FRMPD4: variants seen among roughly 807,000 people sequenced by gnomAD.
The protein encoded by FRMPD4 is FERM and PDZ domain containing 4.
Under a neutral mutation model 94.1 loss-of-function variants are expected in FRMPD4, and 22 were observed. The ratio of observed to expected loss-of-function variants is 0.23; its 90% CI spans 0.17 to 0.33. The LOEUF (loss-of-function observed/expected upper bound fraction) is 0.33, where lower values mean the gene tolerates loss of function less well. Ranked by LOEUF, FRMPD4 falls within the 10% of genes least tolerant of loss-of-function variation. The pLI is 1.00. For synonymous variants in FRMPD4, 631 were observed against 548.6 expected (o/e 1.15, Z -2.10); for missense variants, 1,111 against 1,339.9 (o/e 0.83, Z 2.67).
chrX:12,452,587 G>A (rs184505239), intron 1 of FRMPD4, among the ~76,000 whole-genome samples: 1 of 111,947 alleles, frequency 8.9e-6, no homozygotes, highest in African/African-American at 3.2e-5. Context: ...ATGTTTTAAC[G>A]AAAAGTATGC....
At position 12,450,309 on chromosome X, in the gene FRMPD4, T is replaced by TA. The variant is rs1347893836; in HGVS notation, c.42-48363dup. Among the ~76,000 whole-genome samples, 6 of 110,764 alleles carry TA rather than the reference T, an allele frequency of 5.4e-5. No homozygotes were observed. The East Asian group carries it at 8.5e-4, about 16-fold the overall frequency. On this transcript the variant is annotated intron_variant, in intron 1 of 16. Transcript: ENST00000675598. Reference sequence around the variant, plus strand: ...AAAGACAGAAGTTTATCTGTCCTATTAAAAAAAAGGGAAGTTGGGTAGGAC... The same window carrying TA: ...AAAGACAGAAGTTTATCTGTCCTATTAAAAAAAAAGGGAAGTTGGGTAGGAC...
intron 15 of FRMPD4, 55 bp from the exon 16 acceptor site, chrX:12,717,446 C>A: frequency 1.2e-6 from 1 of 804,904 alleles, no homozygotes; most frequent in Non-Finnish European, 1.8e-6. Flanking sequence ...TCTTACATGT[C>A]TCCAAGTGCC....
chrX:12,153,877 C>T (rs1467909625), intron 1 of FRMPD4, among the ~76,000 whole-genome samples: 1 of 112,477 alleles, frequency 8.9e-6, no homozygotes, highest in Non-Finnish European at 1.9e-5. Flanking sequence ...AATAATATTT[C>T]ATGACACATG....
intron 4 of FRMPD4, among the ~76,000 whole-genome samples, chrX:12,633,536 C>T (rs1476626173): frequency 8.9e-6 from 1 of 111,983 alleles, no homozygotes; most frequent in Admixed American, 9.5e-5. Flanking sequence ...AACTATGTTT[C>T]CCATCAGCCT....
At chrX:12,376,498 G>A (rs766441142) in intron 1 of FRMPD4, among the ~76,000 whole-genome samples, 1 of 112,742 alleles carries the variant, frequency 8.9e-6, no homozygotes, top group African/African-American at 3.2e-5. Context: ...GAATCTACTA[G>A]ATGTTATTTT....
intron 3 of FRMPD4, among the ~76,000 whole-genome samples, chrX:11,942,228 CTTTTT>C: frequency 1.3e-5 from 1 of 79,133 alleles, no homozygotes; most frequent in Non-Finnish European, 2.5e-5. Flanking sequence ...TTTTTCTTTC[CTTTTT>C]TTTTTTTTTT....
chrX:12,548,449 C>T (rs1275406747), intron 2 of FRMPD4, among the ~76,000 whole-genome samples: 1 of 111,912 alleles, frequency 8.9e-6, no homozygotes, highest in Non-Finnish European at 1.9e-5. Context: ...TTTACTTGCC[C>T]GAAGTTACAT....
At chrX:12,280,619 C>A (rs889144486) in intron 1 of FRMPD4, among the ~76,000 whole-genome samples, 10 of 111,646 alleles carry the variant, frequency 9.0e-5, no homozygotes, top group African/African-American at 3.3e-4. Flanking sequence ...CCATGAAGTC[C>A]CCACTGTCTT....
intron 1 of FRMPD4, among the ~76,000 whole-genome samples, chrX:12,449,032 A>C (rs968194840): frequency 4.5e-4 from 50 of 111,856 alleles, no homozygotes; most frequent in African/African-American, 1.6e-3. Flanking sequence ...TCTCTATTTC[A>C]TACCTGGCTG....
At chrX:11,840,061 C>A (rs2053525481) in intron 1 of FRMPD4, among the ~76,000 whole-genome samples, 1 of 111,572 alleles carries the variant, frequency 9.0e-6, no homozygotes, top group Non-Finnish European at 1.9e-5. Context: ...TTTAACGCTG[C>A]ATTTCCATAT....
intron 1 of FRMPD4, among the ~76,000 whole-genome samples, chrX:12,380,715 G>A (rs938259958): frequency 8.9e-6 from 1 of 112,092 alleles, no homozygotes; most frequent in Non-Finnish European, 1.9e-5. Context: ...AGTCAGAAAC[G>A]CCTGTGCTTG....
At chrX:11,934,900 C>T (rs959477151) in intron 3 of FRMPD4, among the ~76,000 whole-genome samples, 7 of 111,214 alleles carry the variant, frequency 6.3e-5, no homozygotes, top group Middle Eastern at 4.6e-3. Context: ...TTGTTTGTAG[C>T]GTAAGAGGGA....
chrX:11,943,438 G>GT (rs1442412117), intron 3 of FRMPD4, among the ~76,000 whole-genome samples: 3 of 110,783 alleles, frequency 2.7e-5, no homozygotes, highest in Non-Finnish European at 5.7e-5. Flanking sequence ...AGGCTAGTAA[G>GT]TTTAATAGTA....
intron 1 of FRMPD4, among the ~76,000 whole-genome samples, chrX:12,287,246 T>C (rs1331693505): frequency 1.8e-5 from 2 of 111,923 alleles, no homozygotes; most frequent in Non-Finnish European, 3.8e-5. Flanking sequence ...CAGTGTGATA[T>C]GGGAGCCCTT....
chrX:12,428,003 G>A (rs1303921601), intron 1 of FRMPD4, among the ~76,000 whole-genome samples: 3 of 96,270 alleles, frequency 3.1e-5, no homozygotes, highest in Admixed American at 1.2e-4. Flanking sequence ...TCCGCCTCCC[G>A]GGTTCACACC....
At chrX:12,276,857 C>T (rs1373123872) in intron 1 of FRMPD4, among the ~76,000 whole-genome samples, 1 of 111,365 alleles carries the variant, frequency 9.0e-6, no homozygotes, top group Non-Finnish European at 1.9e-5. Flanking sequence ...CGCGGTGGCT[C>T]ACGCCTGTAA....
intron 3 of FRMPD4, among the ~76,000 whole-genome samples, chrX:12,076,395 G>A (rs1037234390): frequency 2.8e-5 from 3 of 108,822 alleles, no homozygotes; most frequent in African/African-American, 1.0e-4. Context: ...GAGAGCGAGC[G>A]AGCATATCCT....
intron 3 of FRMPD4, among the ~76,000 whole-genome samples, chrX:11,896,422 G>C (rs1265209941): frequency 9.0e-6 from 1 of 111,056 alleles, no homozygotes; most frequent in Non-Finnish European, 1.9e-5. Flanking sequence ...TGGGTCATGA[G>C]GGTAGTGCTT....
chrX:12,271,947 A>G (rs2054360417), intron 1 of FRMPD4, among the ~76,000 whole-genome samples: 1 of 111,987 alleles, frequency 8.9e-6, no homozygotes, highest in Non-Finnish European at 1.9e-5. Flanking sequence ...CCACATTTTG[A>G]GTGGCACTGA....
Sources: allele counts gnomAD v4.1 joint callset (sites outside exome capture counted in the v4.1 genomes callset), GRCh38; gene constraint gnomAD v4.1.1; transcripts MANE v1.5; gene names NCBI Gene and HGNC (gene_info 2026-07-23, HGNC 2026-07-21).